Variants in HEYL observed in about 807,000 individuals in gnomAD.
HEYL encodes hairy/enhancer-of-split related with YRPW motif-like protein.
In HEYL, 12 loss-of-function variants were observed where a neutral mutation model predicts 18.6. That is an observed-to-expected ratio of 0.65 (90% CI 0.41 to 1.05). The LOEUF is 1.05. Ranked by LOEUF, HEYL falls within the 50% of genes least tolerant of loss-of-function variation. HEYL has a pLI of 0.00. For missense variants in HEYL, 420 were observed against 444.7 expected (o/e 0.94, Z 0.50); for synonymous variants, 159 against 179.6 (o/e 0.89, Z 0.91).
chr1:39,629,060 C>T (rs1557737197), intron 4 of HEYL, among the ~76,000 whole-genome samples: 2 of 152,150 alleles, frequency 1.3e-5, no homozygotes, highest in African/African-American at 2.4e-5. Flanking sequence ...CGGCTAGTAA[C>T]CAGTAGAGCC....
rs1472760619 is a variant in HEYL, at chr1:39,626,873, G to A, written c.621C>T (p.Val207=). 6.3e-7 allele frequency: 1 copy of A among 1,596,654 alleles called. No homozygotes were observed. Among genetic ancestry groups the A allele is most frequent in the Non-Finnish European group, 8.5e-7 (1 of 1,170,864 alleles). ...CTGGGATGGGGTAAGCAGGAGAGGA[G>A]ACACCGGGGAGGACAGGGCTGGGCA... is the stretch of plus-strand genomic sequence containing the variant. ...GRVPSPVLPG[V]SSPAYPIPAL... The change falls in exon 5 of 5, where the codon GTC becomes GTT. Residue 207 remains valine, a synonymous_variant. Coordinates refer to ENST00000372852, the MANE Select transcript of HEYL (RefSeq NM_014571.4).
intron 3 of HEYL, 80 bp from the exon 4 acceptor site, chr1:39,630,388 A>G: frequency 1.8e-6 from 2 of 1,101,558 alleles, no homozygotes; most frequent in Non-Finnish European, 2.8e-6. Flanking sequence ...CACTGTCTCG[A>G]TTTTCTCACC....
At chr1:39,634,922 A>G (rs1246473081) in intron 1 of HEYL, among the ~76,000 whole-genome samples, 1 of 152,220 alleles carries the variant, frequency 6.6e-6, no homozygotes, top group Non-Finnish European at 1.5e-5. Context: ...TCACTGGGGA[A>G]CAGAGATGTA....
chr1:39,635,916 T>C (rs1025153673), intron 1 of HEYL, among the ~76,000 whole-genome samples: 1 of 152,224 alleles, frequency 6.6e-6, no homozygotes, highest in Non-Finnish European at 1.5e-5. Context: ...CAGATTTTCA[T>C]GGACCCAGAG....
Position 39,627,187 on chromosome 1 carries a change from A to G in HEYL, c.314-7T>C, listed in dbSNP as rs777396805. The G allele has an allele frequency of 9.3e-6, 15 of 1,607,164 alleles. No homozygotes were observed. The highest frequency in any genetic ancestry group is 1.7e-5 in the Admixed American group (1 of 59,740). On this transcript the variant is annotated splice_polypyrimidine_tract_variant and splice_region_variant and intron_variant, in intron 4 of 4. Coordinates refer to ENST00000372852, the MANE Select transcript of HEYL (RefSeq NM_014571.4). The stretch of plus-strand genomic sequence containing the variant: ...GCTCGGGCATCAAAGAATCCTGCAA[A>G]GGGAGGCGTGATGAAGGTCATGCCA...
intron 4 of HEYL, among the ~76,000 whole-genome samples, chr1:39,627,684 C>G (rs1646308689): frequency 6.6e-6 from 1 of 152,158 alleles, no homozygotes; most frequent in African/African-American, 2.4e-5. Flanking sequence ...GAGCTGGGTT[C>G]AAATCCTGGC....
intron 1 of HEYL, among the ~76,000 whole-genome samples, chr1:39,637,649 C>G (rs1430113906): frequency 2.6e-5 from 4 of 152,208 alleles, no homozygotes; most frequent in Admixed American, 1.3e-4. Context: ...GCTTTCTCTC[C>G]TCAGAGGGGT....
chr1:39,638,810 T>A (rs1016087527), intron 1 of HEYL, among the ~76,000 whole-genome samples: 1 of 152,244 alleles, frequency 6.6e-6, no homozygotes, highest in African/African-American at 2.4e-5. Flanking sequence ...TTGGTTCTAT[T>A]ATTCATGCTC....
At chr1:39,633,409 G>C (rs1646345817) in intron 1 of HEYL, 1 of 152,296 alleles carries the variant, frequency 6.6e-6, no homozygotes, top group Admixed American at 6.5e-5. Flanking sequence ...CTCAGCCCTG[G>C]GGGGGCTTTT....
In HEYL at chr1:39,626,289, C is replaced by G; in HGVS notation, c.*218G>C. ...TCAGGTGAGAAATGGAACCAAGCCT[C>G]TGAGACCAGAACAGCTCCAGGAGAG... On this transcript the variant is annotated 3_prime_UTR_variant, in exon 5 of 5. Coordinates refer to ENST00000372852, the MANE Select transcript of HEYL (RefSeq NM_014571.4). 1 of 540,744 alleles carries G rather than the reference C, an allele frequency of 1.8e-6. No individual in the cohort carries two copies. Among genetic ancestry groups the G allele is most frequent in the Non-Finnish European group, 3.2e-6 (1 of 311,628 alleles). The allele number at this position is 540,744 out of a possible 1,614,324, so 33.5% of individuals were successfully genotyped here. A position where few individuals can be genotyped will look rare whatever the true frequency, so the allele number is the denominator to read the frequency against.
At chr1:39,630,717 CT>C (rs1195561245) in intron 3 of HEYL, among the ~76,000 whole-genome samples, 2 of 152,372 alleles carry the variant, frequency 1.3e-5, no homozygotes, top group East Asian at 3.9e-4. Flanking sequence ...TAAACCAGCT[CT>C]TCAGGGAATC....
rs189693750 is a variant in HEYL, at chr1:39,623,483, C to T, written c.*3024G>A. Among the ~76,000 whole-genome samples, 782 of 152,386 alleles carry T rather than the reference C, an allele frequency of 5.1e-3. 5 individuals are homozygous for T. The highest frequency in any genetic ancestry group is 7.8e-3 in the Non-Finnish European group (530 of 68,040). Reference sequence around the variant, plus strand: ...TTGAACGCCAACTATGGACCAGGCCCTGTGCTCAATGCTGGGTACAGAGTG... The same window carrying T: ...TTGAACGCCAACTATGGACCAGGCCTTGTGCTCAATGCTGGGTACAGAGTG... On this transcript the variant is annotated 3_prime_UTR_variant, in exon 5 of 5. Coordinates refer to ENST00000372852, the MANE Select transcript of HEYL (RefSeq NM_014571.4).
intron 1 of HEYL, among the ~76,000 whole-genome samples, chr1:39,637,276 C>A (rs1646366160): frequency 6.6e-6 from 1 of 152,208 alleles, no homozygotes; most frequent in Non-Finnish European, 1.5e-5. Context: ...TGTGGCAGGA[C>A]TGCCACCAGG....
At chr1:39,634,339 C>T (rs541668434) in intron 1 of HEYL, among the ~76,000 whole-genome samples, 16 of 152,214 alleles carry the variant, frequency 1.1e-4, no homozygotes, top group African/African-American at 2.2e-4. Flanking sequence ...AGGTGATCTG[C>T]CCGCCTTGGC....
chr1:39,638,905 G>A (rs1646373016), intron 1 of HEYL, among the ~76,000 whole-genome samples: 1 of 152,218 alleles, frequency 6.6e-6, no homozygotes, highest in East Asian at 1.9e-4. Flanking sequence ...TGTTCGACAG[G>A]TTTGAAGCAG....
intron 4 of HEYL, among the ~76,000 whole-genome samples, chr1:39,628,791 A>G (rs941908179): frequency 1.2e-4 from 18 of 151,116 alleles, no homozygotes; most frequent in Admixed American, 8.6e-4. Flanking sequence ...TTTAGTAGAG[A>G]TGGGGTTTCA....
chr1:39,623,624 G>C lies in HEYL; in HGVS notation c.*2883C>G, dbSNP rs898546120. 3.9e-5 allele frequency among the ~76,000 whole-genome samples: 6 copies of C among 152,208 alleles called. No individual in the cohort carries two copies. The highest frequency in any genetic ancestry group is 7.3e-5 in the Non-Finnish European group (5 of 68,036). ...TGCAGTGGCAAATTCTCCATGAAGG[G>C]AAAGAACAGAGGCCTTGTGATAGAG... On this transcript the variant is annotated 3_prime_UTR_variant, in exon 5 of 5. Coordinates refer to ENST00000372852, the MANE Select transcript of HEYL (RefSeq NM_014571.4).
chr1:39,639,589 C>T lies in HEYL; in HGVS notation c.37G>A (p.Glu13Lys). 6.3e-7 allele frequency: 1 copy of T among 1,581,490 alleles called. No homozygotes were observed. The highest frequency in any genetic ancestry group is 8.6e-7 in the Non-Finnish European group (1 of 1,168,482). The change falls in exon 1 of 5, where the codon GAG becomes AAG. Residue 13 changes from glutamate to lysine, a missense_variant. Glu to Lys is a moderately conservative substitution (Grantham distance 56). Transcript: ENST00000372852. ...RPKEPSGSDG[E>K]SDGPIDVGQE... is the part of the protein sequence containing the mutation. ...CCCACGTCGATGGGTCCGTCGGACT[C>T]CCCGTCGGAGCCGCTCGGCTCCTTG... is the stretch of plus-strand genomic sequence containing the variant.
In HEYL at chr1:39,626,386, G is replaced by A. The variant is rs1646296898; in HGVS notation, c.*121C>T. Reference sequence around the variant, plus strand: ...AGGAGGAGGGGGCCTCTGATGGCTGGAGAACGTGCCTTCACATATGAGCCA... The same window carrying A: ...AGGAGGAGGGGGCCTCTGATGGCTGAAGAACGTGCCTTCACATATGAGCCA... On this transcript the variant is annotated 3_prime_UTR_variant, in exon 5 of 5. Transcript: ENST00000372852. 1 of 871,528 alleles carries A rather than the reference G, an allele frequency of 1.1e-6. No homozygotes were observed. The highest frequency in any genetic ancestry group is 1.7e-6 in the Non-Finnish European group (1 of 586,832). The allele number at this position is 871,528 out of a possible 1,614,324, so 54.0% of individuals were successfully genotyped here. A position where few individuals can be genotyped will look rare whatever the true frequency, so the allele number is the denominator to read the frequency against.
Sources: allele counts gnomAD v4.1 joint callset (sites outside exome capture counted in the v4.1 genomes callset), GRCh38; gene constraint gnomAD v4.1.1; transcripts MANE v1.5; gene names NCBI Gene and HGNC (gene_info 2026-07-23, HGNC 2026-07-21).